The following SMAD5 variants were observed in gnomAD, a reference collection of about 807,000 sequenced individuals.
The protein encoded by SMAD5 is SMAD family member 5.
SMAD5 carries 9 observed loss-of-function variants against 43.1 expected under a neutral mutation model. The ratio of observed to expected loss-of-function variants is 0.21; its 90% CI spans 0.13 to 0.36. SMAD5 has a LOEUF of 0.36. Among genes scored for constraint, SMAD5 ranks in the 10% least tolerant of loss-of-function variants. SMAD5 has a pLI of 1.00. For synonymous variants in SMAD5, 190 were observed against 192.4 expected, an observed-to-expected ratio of 0.99 and a Z score of 0.10; for missense variants, 348 against 574.0, an observed-to-expected ratio of 0.61 and a Z score of 4.02.
At position 136,174,243 on chromosome 5, in the gene SMAD5, A is replaced by AGT; in HGVS notation, c.998-131_998-130dup. 7.2e-6 allele frequency: 5 copies of AGT among 697,516 alleles called. No individual in the cohort carries two copies. In the South Asian group the frequency reaches 1.0e-4, roughly 14 times the overall value. 43.2% of individuals were successfully genotyped at this position (697,516 alleles called of 1,614,324 possible). On this transcript the variant is annotated intron_variant, in intron 6 of 7. Coordinates refer to ENST00000545279, the MANE Select transcript of SMAD5 (RefSeq NM_005903.7). ...TATCTTTGGCAGCAGAAGGCCATCT[A>AGT]GTGGTAACTTCTGTCTAAAGACTGC...
rs1307860322 is a variant in SMAD5 at position 136,161,019 on chromosome 5, A to C, written c.567A>C (p.Pro189=). The C allele has an allele frequency of 6.2e-7, 1 of 1,613,638 alleles. No homozygotes were observed. Among genetic ancestry groups the C allele is most frequent in the Non-Finnish European group, 8.5e-7 (1 of 1,179,836 alleles). The part of the protein sequence containing the change: ...QPNNTPFPLS[P]NSPYPPSPAS... Reference sequence around the variant, plus strand: ...ACAACACTCCTTTTCCCTTATCTCCAAACAGCCCTTATCCCCCTTCTCCTG... The same window carrying C: ...ACAACACTCCTTTTCCCTTATCTCCCAACAGCCCTTATCCCCCTTCTCCTG... The change falls in exon 4 of 8, where the codon CCA becomes CCC. Residue 189 remains proline, a synonymous_variant. Coordinates refer to ENST00000545279, the MANE Select transcript of SMAD5 (RefSeq NM_005903.7).
At position 136,148,789 on chromosome 5, in the gene SMAD5, T is replaced by C. The variant is rs185592703; in HGVS notation, c.-170+883T>C. 2.0e-5 allele frequency among the ~76,000 whole-genome samples: 3 copies of C among 151,996 alleles called. No homozygotes were observed. In the East Asian group the frequency reaches 5.8e-4, roughly 29 times the overall value. ...AATCTTGGAATTTTTGCAAAATCTGTAGTCTCACTCATGGTTCATAAGCCA... is the reference window on the plus strand; with the variant it reads ...AATCTTGGAATTTTTGCAAAATCTGCAGTCTCACTCATGGTTCATAAGCCA... On this transcript the variant is annotated intron_variant, in intron 2 of 7. Transcript: ENST00000545279.
At chr5:136,146,371 A>G (rs1322681748) in intron 1 of SMAD5, among the ~76,000 whole-genome samples, 2 of 151,714 alleles carry the variant, frequency 1.3e-5, no homozygotes, top group East Asian at 3.9e-4. Context: ...GATGTAGAAG[A>G]GTATTATGGG....
At chr5:136,163,944 G>A (rs1050452973) in intron 5 of SMAD5, among the ~76,000 whole-genome samples, 8 of 152,296 alleles carry the variant, frequency 5.3e-5, no homozygotes, top group East Asian at 1.9e-4. Flanking sequence ...ACTTTGGGAG[G>A]CCAAGGCGGG....
intron 3 of SMAD5, 22 bp downstream of exon 3, chr5:136,154,185 A>C (rs1719918078): frequency 7.0e-7 from 1 of 1,428,376 alleles, no homozygotes; most frequent in African/African-American, 1.5e-5. Flanking sequence ...TCCTGAGAAG[A>C]ATTTGGAAAA....
chr5:136,140,054 G>A (rs897414727), intron 1 of SMAD5, among the ~76,000 whole-genome samples: 1 of 144,174 alleles, frequency 6.9e-6, no homozygotes, highest in African/African-American at 2.6e-5. Context: ...ATGAAGTCTA[G>A]CTTTGTTGGC....
At chr5:136,162,780 G>A (rs907389384) in intron 4 of SMAD5, among the ~76,000 whole-genome samples, 17 of 152,178 alleles carry the variant, frequency 1.1e-4, no homozygotes, top group African/African-American at 1.7e-4. Flanking sequence ...TTGCACAAGC[G>A]TTAGACAATT....
intron 1 of SMAD5, among the ~76,000 whole-genome samples, chr5:136,145,867 G>GT (rs572509524): frequency 3.9e-5 from 6 of 151,948 alleles, no homozygotes; most frequent in African/African-American, 1.2e-4. Flanking sequence ...TCCTCATCCT[G>GT]TTATATAAAG....
intron 1 of SMAD5, among the ~76,000 whole-genome samples, chr5:136,137,752 T>C (rs1752938374): frequency 6.6e-6 from 1 of 152,202 alleles, no homozygotes; most frequent in Non-Finnish European, 1.5e-5. Flanking sequence ...TCTCATTCTT[T>C]GGAGATGAAA....
chr5:136,140,823 G>T (rs1220288511), intron 1 of SMAD5, among the ~76,000 whole-genome samples: 4 of 151,006 alleles, frequency 2.6e-5, no homozygotes, highest in Non-Finnish European at 5.9e-5. Context: ...AAGTGTTTTG[G>T]TTCCTTTTAT....
chr5:136,165,639 C>T lies in SMAD5; in HGVS notation c.775+2248C>T, dbSNP rs146088515. Among the ~76,000 whole-genome samples, 908 of 127,472 alleles carry T rather than the reference C, an allele frequency of 7.1e-3. 12 individuals are homozygous for T. Among genetic ancestry groups the T allele is most frequent in the African/African-American group, 0.024 (839 of 35,326 alleles). The allele number at this position is 127,472 out of a possible 152,430, so 83.6% of individuals were successfully genotyped here. On this transcript the variant is annotated intron_variant, in intron 5 of 7. Transcript: ENST00000545279. ...TCTATGATTTTGACCACTCTAAGTACTTCATATAAATGGAATCATACAATT... is the reference window on the plus strand; with the variant it reads ...TCTATGATTTTGACCACTCTAAGTATTTCATATAAATGGAATCATACAATT...
At chr5:136,133,964 G>A (rs1489036242) in intron 1 of SMAD5, 1 of 147,906 alleles carries the variant, frequency 6.8e-6, no homozygotes, top group Non-Finnish European at 1.5e-5. Flanking sequence ...CTGTAGGTGA[G>A]GAATGGCTGA....
chr5:136,156,701 G>A (rs1753648079), intron 3 of SMAD5, among the ~76,000 whole-genome samples: 1 of 152,196 alleles, frequency 6.6e-6, no homozygotes, highest in Non-Finnish European at 1.5e-5. Context: ...GGAATTTTAT[G>A]TATTCCCCTA....
At chr5:136,149,473 A>G (rs1280131888) in intron 2 of SMAD5, among the ~76,000 whole-genome samples, 1 of 151,538 alleles carries the variant, frequency 6.6e-6, no homozygotes, top group Non-Finnish European at 1.5e-5. Context: ...ATTATCATGA[A>G]CAGTTAATCT....
intron 3 of SMAD5, among the ~76,000 whole-genome samples, chr5:136,156,578 C>G (rs1753644999): frequency 6.6e-6 from 1 of 151,968 alleles, no homozygotes; most frequent in Non-Finnish European, 1.5e-5. Flanking sequence ...CTTACTGAGT[C>G]CAAGGAAAGC....
At chr5:136,148,458 A>C (rs1331895672) in intron 2 of SMAD5, among the ~76,000 whole-genome samples, 1 of 151,804 alleles carries the variant, frequency 6.6e-6, no homozygotes, top group East Asian at 1.9e-4. Flanking sequence ...AAACTCATAC[A>C]TATAAAACAT....
chr5:136,159,711 C>T (rs1487047669), intron 3 of SMAD5, among the ~76,000 whole-genome samples: 1 of 152,174 alleles, frequency 6.6e-6, no homozygotes, highest in Non-Finnish European at 1.5e-5. Context: ...TGTTAACACA[C>T]AGTAGAACAA....
chr5:136,139,352 T>C (rs1398954837), intron 1 of SMAD5, among the ~76,000 whole-genome samples: 2 of 152,208 alleles, frequency 1.3e-5, no homozygotes, highest in Admixed American at 6.5e-5. Flanking sequence ...CAACATTTTA[T>C]TCATATGGTT....
chr5:136,136,352 AT>A (rs1300302241), intron 1 of SMAD5, among the ~76,000 whole-genome samples: 1 of 151,994 alleles, frequency 6.6e-6, no homozygotes, highest in Non-Finnish European at 1.5e-5. Context: ...TAATTTTTGT[AT>A]TTTTAGTAGA....
Sources: allele counts gnomAD v4.1 joint callset (sites outside exome capture counted in the v4.1 genomes callset), GRCh38; gene constraint gnomAD v4.1.1; transcripts MANE v1.5; gene names NCBI Gene and HGNC (gene_info 2026-07-23, HGNC 2026-07-21).